FRY: variants seen among roughly 807,000 people sequenced by gnomAD.
FRY encodes protein furry homolog.
FRY carries 128 observed loss-of-function variants against 348.4 expected under a neutral mutation model. The observed-to-expected ratio is 0.37, with a 90% CI of 0.32 to 0.43. FRY has a LOEUF of 0.43. Among genes scored for constraint, FRY ranks in the 20% least tolerant of loss-of-function variants. The pLI is 1.00. For missense variants in FRY, 2,736 were observed against 3,695.2 expected (o/e 0.74, Z 6.73); for synonymous variants, 1,370 against 1,374.7 (o/e 1.00, Z 0.08).
intron 1 of FRY, among the ~76,000 whole-genome samples, chr13:32,057,203 C>G (rs919865264): frequency 2.0e-5 from 3 of 151,874 alleles, no homozygotes; most frequent in African/African-American, 7.3e-5. Flanking sequence ...CAGACTCTCA[C>G]TCTGTCACCC....
intron 2 of FRY, among the ~76,000 whole-genome samples, chr13:32,089,169 G>C (rs1258396423): frequency 6.6e-6 from 1 of 152,104 alleles, no homozygotes; most frequent in Non-Finnish European, 1.5e-5. Flanking sequence ...TAGCATTGTA[G>C]CAATTTTAAC....
At chr13:32,258,083 T>A in intron 51 of FRY, 1 of 826,174 alleles carries the variant, frequency 1.2e-6, no homozygotes, top group Non-Finnish European at 2.1e-6. Context: ...ATATGCTTAT[T>A]TGCGTGCATA....
chr13:32,163,517 T>A (rs1881570114), intron 17 of FRY, among the ~76,000 whole-genome samples: 1 of 152,220 alleles, frequency 6.6e-6, no homozygotes, highest in Non-Finnish European at 1.5e-5. Context: ...AGGAGGCGTC[T>A]GCAGGGAAAA....
intron 11 of FRY, among the ~76,000 whole-genome samples, chr13:32,146,889 G>A (rs1447367707): frequency 2.6e-5 from 4 of 152,188 alleles, no homozygotes; most frequent in Admixed American, 2.0e-4. Context: ...TGGGGCAGAG[G>A]TGTTGGAGAA....
chr13:32,131,606 T>C, intron 7 of FRY, 66 bp from the exon 8 acceptor site: 2 of 1,091,688 alleles, frequency 1.8e-6, no homozygotes, highest in Non-Finnish European at 1.4e-6. Context: ...TCCCAGATGC[T>C]GGAGGCCCCC....
intron 3 of FRY, among the ~76,000 whole-genome samples, chr13:32,110,564 C>CACTA (rs1029293297): frequency 5.3e-5 from 8 of 151,878 alleles, no homozygotes; most frequent in Admixed American, 5.2e-4. Context: ...TAATGACAGC[C>CACTA]ACTAGATACA....
intron 7 of FRY, among the ~76,000 whole-genome samples, chr13:32,131,322 G>T (rs182419773): frequency 1.1e-4 from 17 of 152,234 alleles, no homozygotes; most frequent in Admixed American, 3.9e-4. Context: ...GATACTTCAG[G>T]CTCTGGGGTC....
At chr13:32,125,387 A>G (rs1394149300) in intron 7 of FRY, among the ~76,000 whole-genome samples, 4 of 152,240 alleles carry the variant, frequency 2.6e-5, no homozygotes, top group African/African-American at 4.8e-5. Context: ...TTAGCAGGCA[A>G]GAACAAAATT....
At position 32,124,692 on chromosome 13, in the gene FRY, T is replaced by C; in HGVS notation, c.635+11T>C. The C allele has an allele frequency of 1.3e-6, 2 of 1,540,438 alleles. No individual in the cohort carries two copies. The highest frequency in any genetic ancestry group is 3.3e-5 in the Admixed American group (2 of 59,910). ...TAAATACAAAGAAGGGTAAGATGAT[T>C]TCTCACCTTAGAATGTTGAAGTTGG... is the stretch of plus-strand genomic sequence containing the variant. On this transcript the variant is annotated intron_variant, in intron 6 of 60. Coordinates refer to ENST00000542859, the MANE Select transcript of FRY (RefSeq NM_023037.3).
At chr13:32,291,878 T>A (rs532620820) in intron 59 of FRY, 7 of 364,518 alleles carry the variant, frequency 1.9e-5, no homozygotes, top group African/African-American at 6.3e-5. Flanking sequence ...GAATTAGAAG[T>A]AGAACCTGAA....
At chr13:32,226,219 T>C (rs148632542) in intron 39 of FRY, among the ~76,000 whole-genome samples, 62 of 152,332 alleles carry the variant, frequency 4.1e-4, no homozygotes, top group African/African-American at 1.4e-3. Flanking sequence ...TGCTGCCCCA[T>C]TGAATATGTT....
intron 1 of FRY, among the ~76,000 whole-genome samples, chr13:32,042,942 C>G (rs1413841589): frequency 6.6e-6 from 1 of 152,184 alleles, no homozygotes; most frequent in Admixed American, 6.5e-5. Flanking sequence ...TGATAGGCAA[C>G]TAATAGTGCC....
intron 59 of FRY, among the ~76,000 whole-genome samples, chr13:32,293,526 C>T (rs1211292003): frequency 6.6e-6 from 1 of 152,038 alleles, no homozygotes; most frequent in Non-Finnish European, 1.5e-5. Flanking sequence ...CATCAACTTG[C>T]ATTACAAAGA....
Position 32,263,878 on chromosome 13 carries a change from G to A in FRY, c.7779+1403G>A, listed in dbSNP as rs543075727. Among the ~76,000 whole-genome samples, 31 of 152,204 alleles carry A rather than the reference G, an allele frequency of 2.0e-4. No homozygotes were observed. In the South Asian group the frequency reaches 3.7e-3, roughly 18 times the overall value. ...AAAAAAATTAACCGGTCATGGTGGC[G>A]GTGCCCGTAATCCCAGCTACTCAGG... On this transcript the variant is annotated intron_variant, in intron 53 of 60. Transcript: ENST00000542859.
chr13:32,274,357 C>G (rs1421014493), intron 55 of FRY, among the ~76,000 whole-genome samples: 1 of 152,080 alleles, frequency 6.6e-6, no homozygotes, highest in Non-Finnish European at 1.5e-5. Flanking sequence ...TCACAGCATA[C>G]ACATATTTTA....
chr13:32,249,865 T>A (rs868867061), intron 49 of FRY, among the ~76,000 whole-genome samples, 178 bp downstream of exon 49: 1 of 152,208 alleles, frequency 6.6e-6, no homozygotes, highest in Non-Finnish European at 1.5e-5. Flanking sequence ...GAACAGTTCA[T>A]CACCTTGAGT....
At chr13:32,083,566 C>T (rs550117577) in intron 2 of FRY, among the ~76,000 whole-genome samples, 1 of 152,198 alleles carries the variant, frequency 6.6e-6, no homozygotes, top group African/African-American at 2.4e-5. Flanking sequence ...GGGAGTGTTT[C>T]TCCAGCACGG....
chr13:32,141,799 G>A (rs888701309), intron 11 of FRY, among the ~76,000 whole-genome samples: 2 of 152,176 alleles, frequency 1.3e-5, no homozygotes, highest in African/African-American at 4.8e-5. Context: ...ATTTAAAGGA[G>A]GTAGGCATGT....
At chr13:32,249,495 C>A in intron 48 of FRY, 31 bp from the exon 49 acceptor site, 1 of 1,612,440 alleles carries the variant, frequency 6.2e-7, no homozygotes, top group Non-Finnish European at 8.5e-7. Context: ...ACCATTGAGA[C>A]AGAATAATGT....
Sources: gnomAD v4.1 joint callset for allele counts (sites outside exome capture counted in the v4.1 genomes callset) on GRCh38, gnomAD v4.1.1 for gene constraint, MANE v1.5 for transcripts, NCBI Gene and HGNC (gene_info 2026-07-23, HGNC 2026-07-21) for gene names.